The following DERA variants were observed in gnomAD, a reference collection of about 807,000 sequenced individuals.
DERA encodes deoxyribose-phosphate aldolase.
A neutral mutation model predicts 41.1 loss-of-function variants in DERA; 15 were observed. The ratio of observed to expected loss-of-function variants is 0.37; its 90% CI spans 0.24 to 0.56. DERA has a LOEUF of 0.56. DERA is among the 20% of genes least tolerant of loss of function. The pLI is 0.81. For synonymous variants in DERA, 139 were observed against 137.4 expected (o/e 1.01, Z -0.08); for missense variants, 396 against 403.4 (o/e 0.98, Z 0.16).
chr12:15,965,465 C>G lies in DERA; in HGVS notation c.508+2518C>G, dbSNP rs1035279995. Reference sequence around the variant, plus strand: ...TGCACTACCTGCCTCCACCCTCCCCCAACAGGCCCCACTGTGTGTTGTTCC... The same window carrying G: ...TGCACTACCTGCCTCCACCCTCCCCGAACAGGCCCCACTGTGTGTTGTTCC... On this transcript the variant is annotated intron_variant, in intron 5 of 8. Coordinates refer to ENST00000428559, the MANE Select transcript of DERA (RefSeq NM_015954.4). The surrounding 1 kb of genome is among the most constrained non-coding windows in gnomAD (Gnocchi z 4.1). 5.3e-5 allele frequency among the ~76,000 whole-genome samples: 8 copies of G among 152,138 alleles called. No homozygotes were observed. The highest frequency in any genetic ancestry group is 1.9e-4 in the African/African-American group (8 of 41,454).
At chr12:15,991,558 T>A (rs2136167834) in intron 6 of DERA, among the ~76,000 whole-genome samples, 1 of 152,310 alleles carries the variant, frequency 6.6e-6, no homozygotes, top group Non-Finnish European at 1.5e-5. Flanking sequence ...AATCAGCAGC[T>A]GTAATTATCC....
At chr12:15,945,847 G>C (rs556990653) in intron 1 of DERA, among the ~76,000 whole-genome samples, 6 of 152,160 alleles carry the variant, frequency 3.9e-5, no homozygotes, top group Non-Finnish European at 7.3e-5. Flanking sequence ...TGTGCATTCA[G>C]TATGATATTG....
At position 16,021,007 on chromosome 12, in the gene DERA, A is replaced by C. The variant is rs776394510; in HGVS notation, c.638-11535A>C. Among the ~76,000 whole-genome samples, 1 of 152,234 alleles carries C rather than the reference A, an allele frequency of 6.6e-6. No individual in the cohort carries two copies. Among genetic ancestry groups the C allele is most frequent in the Non-Finnish European group, 1.5e-5 (1 of 68,036 alleles). The stretch of plus-strand genomic sequence containing the variant: ...TATATTTAAATGGGAAGCAGAGTAT[A>C]AAAGTTGGGAAAATTTGCAGCCTTT... On this transcript the variant is annotated intron_variant, in intron 6 of 8. Transcript: ENST00000428559. The surrounding 1 kb of genome is among the most constrained non-coding windows in gnomAD (Gnocchi z 5.3).
rs997030766 is a variant in DERA, at chr12:16,013,590, C to T, written c.638-18952C>T. Among the ~76,000 whole-genome samples the T allele has an allele frequency of 1.3e-5, 2 of 152,146 alleles. No individual in the cohort carries two copies. Among genetic ancestry groups the T allele is most frequent in the African/African-American group, 4.8e-5 (2 of 41,418 alleles). On this transcript the variant is annotated intron_variant, in intron 6 of 8. Coordinates refer to ENST00000428559, the MANE Select transcript of DERA (RefSeq NM_015954.4). This position sits in a 1 kb window ranked among gnomAD's most constrained non-coding sequence, Gnocchi z 5.8. ...TAAACTTCTTTCCTTTATAAATTAC[C>T]TAGTCTCAGGCAGTTCTTCATAGCA...
intron 1 of DERA, among the ~76,000 whole-genome samples, chr12:15,951,794 A>G (rs536992683): frequency 9.2e-5 from 14 of 152,292 alleles, no homozygotes; most frequent in African/African-American, 2.9e-4. Context: ...TGTTTTTATT[A>G]ACAGTTTTAT....
intron 1 of DERA, among the ~76,000 whole-genome samples, chr12:15,914,554 A>G (rs542632123): frequency 6.6e-6 from 1 of 152,240 alleles, no homozygotes; most frequent in Admixed American, 6.5e-5. Flanking sequence ...AAGTATTATT[A>G]AGATTCAGTT....
rs1948302679 is a variant in DERA at position 15,928,358 on chromosome 12, A to G, written c.31+16944A>G. Among the ~76,000 whole-genome samples, 1 of 152,236 alleles carries G rather than the reference A, an allele frequency of 6.6e-6. No homozygotes were observed. The highest frequency in any genetic ancestry group is 1.5e-5 in the Non-Finnish European group (1 of 68,032). ...TCTCTAAGTGTTATTTTAATTAACA[A>G]ATTTTAAATTTCTTGCCCATTATTC... On this transcript the variant is annotated intron_variant, in intron 1 of 8. Transcript: ENST00000428559. This position sits in a 1 kb window ranked among gnomAD's most constrained non-coding sequence, Gnocchi z 4.6.
chr12:15,948,739 C>T (rs1360864968), intron 1 of DERA, among the ~76,000 whole-genome samples: 4 of 152,158 alleles, frequency 2.6e-5, no homozygotes, highest in Non-Finnish European at 5.9e-5. Context: ...CTGTTGCTGG[C>T]GAGAAGCTGC....
rs1337453468 is a variant in DERA, at chr12:15,998,450, T to C, written c.637+16014T>C. Among the ~76,000 whole-genome samples the C allele has an allele frequency of 6.6e-6, 1 of 152,168 alleles. No homozygotes were observed. The highest frequency in any genetic ancestry group is 1.5e-5 in the Non-Finnish European group (1 of 68,032). On this transcript the variant is annotated intron_variant, in intron 6 of 8. Transcript: ENST00000428559. The surrounding 1 kb of genome is among the most constrained non-coding windows in gnomAD (Gnocchi z 4.8). ...CTCCCGCCTCAGCCTCCCGAGTAGC[T>C]GAGATTACAGGCATCCACCACCATG...
chr12:15,919,764 CAA>C (rs1948227740), intron 1 of DERA, among the ~76,000 whole-genome samples: 1 of 152,152 alleles, frequency 6.6e-6, no homozygotes, highest in African/African-American at 2.4e-5. Context: ...TCCCGCAAAG[CAA>C]AGTCTAAGAC....
intron 6 of DERA, among the ~76,000 whole-genome samples, chr12:16,016,544 A>T (rs565209715): frequency 6.6e-5 from 10 of 152,276 alleles, no homozygotes; most frequent in African/African-American, 2.4e-4. Context: ...TCATGCCTGT[A>T]ATTCTAGCAC....
chr12:15,969,916 A>G (rs541259644), intron 5 of DERA, among the ~76,000 whole-genome samples: 1 of 151,928 alleles, frequency 6.6e-6, no homozygotes, highest in Admixed American at 6.5e-5. Flanking sequence ...GAAGTTGTAT[A>G]TAACAGAAAT....
In DERA at chr12:15,960,207, T is replaced by TAC. The variant is rs537447371; in HGVS notation, c.373+301_373+302dup. ...GCATGACATATAGTATATATATATATACACACACACACACACACATATACA... is the reference window on the plus strand; with the variant it reads ...GCATGACATATAGTATATATATATATACACACACACACACACACACATATACA... On this transcript the variant is annotated intron_variant, in intron 4 of 8. Coordinates refer to ENST00000428559, the MANE Select transcript of DERA (RefSeq NM_015954.4). Among the ~76,000 whole-genome samples, 1,303 of 145,528 alleles carry TAC rather than the reference T, an allele frequency of 9.0e-3. 11 individuals carry two copies. The highest frequency in any genetic ancestry group is 0.027 in the African/African-American group (1,072 of 39,860).
rs1948615297 is a variant in DERA, at chr12:15,965,415, C to G, written c.508+2468C>G. On this transcript the variant is annotated intron_variant, in intron 5 of 8. Coordinates refer to ENST00000428559, the MANE Select transcript of DERA (RefSeq NM_015954.4). The surrounding 1 kb of genome is among the most constrained non-coding windows in gnomAD (Gnocchi z 4.1). The stretch of plus-strand genomic sequence containing the variant: ...CATCACCTAGGTAGGTATTAAGTGC[C>G]TCATGCATTAGCTATTTTCCCTAAT... 6.6e-6 allele frequency among the ~76,000 whole-genome samples: 1 copy of G among 152,112 alleles called. No homozygotes were observed. The highest frequency in any genetic ancestry group is 1.5e-5 in the Non-Finnish European group (1 of 68,032).
In DERA at chr12:15,982,245, C is replaced by T. The variant is rs572961951; in HGVS notation, c.509-63C>T. On this transcript the variant is annotated intron_variant, in intron 5 of 8. Coordinates refer to ENST00000428559, the MANE Select transcript of DERA (RefSeq NM_015954.4). The surrounding 1 kb of genome is among the most constrained non-coding windows in gnomAD (Gnocchi z 4.0). ...TGAAATGGGTTCCACCAGCTCTAAA[C>T]GGCTGCCAAGTTATGTTATCACTTG... 1.4e-4 allele frequency: 210 copies of T among 1,534,368 alleles called. 3 individuals are homozygous for T. The South Asian group carries it at 2.1e-3, about 15-fold the overall frequency.
intron 1 of DERA, among the ~76,000 whole-genome samples, chr12:15,950,221 G>A (rs1238347662): frequency 2.0e-5 from 3 of 152,234 alleles, no homozygotes; most frequent in African/African-American, 4.8e-5. Context: ...AGACAGAGCA[G>A]CCCTGAGGGC....
At position 15,990,846 on chromosome 12, in the gene DERA, C is replaced by G. The variant is rs985499681; in HGVS notation, c.637+8410C>G. On this transcript the variant is annotated intron_variant, in intron 6 of 8. Transcript: ENST00000428559. The surrounding 1 kb of genome is among the most constrained non-coding windows in gnomAD (Gnocchi z 4.3). ...TATATATACACCACATTTTATTTAT[C>G]CAGTCTATCATTGATGGACATTTAC... is the stretch of plus-strand genomic sequence containing the variant. 6.6e-6 allele frequency among the ~76,000 whole-genome samples: 1 copy of G among 152,084 alleles called. No homozygotes were observed. The highest frequency in any genetic ancestry group is 2.4e-5 in the African/African-American group (1 of 41,412).
Position 15,931,930 on chromosome 12 carries a change from G to A in DERA, c.31+20516G>A, listed in dbSNP as rs116266610. 2.0e-5 allele frequency among the ~76,000 whole-genome samples: 3 copies of A among 152,064 alleles called. No individual in the cohort carries two copies. The highest frequency in any genetic ancestry group is 2.9e-5 in the Non-Finnish European group (2 of 68,014). ...CATACCTGCTACCTTTCACGTGTCC[G>A]CTTCCCCTTTGACCTTTTGCCATGT... On this transcript the variant is annotated intron_variant, in intron 1 of 8. Transcript: ENST00000428559. This position sits in a 1 kb window ranked among gnomAD's most constrained non-coding sequence, Gnocchi z 4.6.
Position 15,941,639 on chromosome 12 carries a change from T to A in DERA, c.32-15297T>A, listed in dbSNP as rs1483163826. ...GATCATAGGATGTTTGGTTTTCCAT[T>A]CCTGAGTTACTTCACTTAGAACTGT... On this transcript the variant is annotated intron_variant, in intron 1 of 8. Transcript: ENST00000428559. The surrounding 1 kb of genome is among the most constrained non-coding windows in gnomAD (Gnocchi z 4.5). 6.6e-6 allele frequency among the ~76,000 whole-genome samples: 1 copy of A among 152,206 alleles called. No individual in the cohort carries two copies. The highest frequency in any genetic ancestry group is 1.5e-5 in the Non-Finnish European group (1 of 68,040).
Sources: gnomAD v4.1 joint callset for allele counts (sites outside exome capture counted in the v4.1 genomes callset) on GRCh38, gnomAD v4.1.1 for gene constraint, Gnocchi (gnomAD v3.1) non-coding constraint, MANE v1.5 for transcripts, NCBI Gene and HGNC (gene_info 2026-07-23, HGNC 2026-07-21) for gene names.